GRIK4: variants seen among roughly 807,000 people sequenced by gnomAD.
GRIK4 encodes glutamate ionotropic receptor kainate type subunit 4.
A neutral mutation model predicts 104.9 loss-of-function variants in GRIK4; 40 were observed. The ratio of observed to expected loss-of-function variants is 0.38; its 90% CI spans 0.30 to 0.50. The LOEUF (loss-of-function observed/expected upper bound fraction) is 0.50. GRIK4 is among the 20% of genes least tolerant of loss of function. The probability of loss-of-function intolerance (pLI) is 0.93; values close to 1 mark genes in which losing one functional copy is unlikely to be tolerated. For missense variants in GRIK4, 1,047 were observed against 1,308.1 expected, an observed-to-expected ratio of 0.80 and a Z score of 3.08; for synonymous variants, 485 against 524.9, an observed-to-expected ratio of 0.92 and a Z score of 1.04.
At chr11:120,564,200 C>T (rs1273664352) in intron 1 of GRIK4, among the ~76,000 whole-genome samples, 1 of 152,228 alleles carries the variant, frequency 6.6e-6, no homozygotes, top group African/African-American at 2.4e-5. Context: ...TCTGGCAACT[C>T]GCCCCGCTCA....
intron 16 of GRIK4, among the ~76,000 whole-genome samples, chr11:120,957,756 C>T (rs1217469801): frequency 6.6e-6 from 1 of 152,008 alleles, no homozygotes; most frequent in African/African-American, 2.4e-5. Flanking sequence ...CCTGTTTAGC[C>T]AAAGGAAAAG....
At chr11:120,628,982 A>G (rs919598091) in intron 1 of GRIK4, among the ~76,000 whole-genome samples, 3 of 152,172 alleles carry the variant, frequency 2.0e-5, no homozygotes, top group Admixed American at 2.0e-4. Context: ...AGGAACTCGC[A>G]GTCTAGTCAG....
Position 120,907,824 on chromosome 11 carries a change from G to A in GRIK4, c.1476+2331G>A, listed in dbSNP as rs146090262. Among the ~76,000 whole-genome samples the A allele has an allele frequency of 1.1e-3, 161 of 152,272 alleles. 2 individuals carry two copies. The highest frequency in any genetic ancestry group is 3.7e-3 in the African/African-American group (154 of 41,542). On this transcript the variant is annotated intron_variant, in intron 13 of 20. Coordinates refer to ENST00000527524, the MANE Select transcript of GRIK4 (RefSeq NM_014619.5). ...GTGTGCGCTGGCTTAGGGAGGATGG[G>A]TGGGAGTTTCCTGGGCAAGCAAAAG... is the stretch of plus-strand genomic sequence containing the variant.
chr11:120,915,648 T>C (rs1272652372), intron 13 of GRIK4, among the ~76,000 whole-genome samples: 1 of 152,128 alleles, frequency 6.6e-6, no homozygotes, highest in African/African-American at 2.4e-5. Flanking sequence ...TCCCTTGGCT[T>C]ATAGGGGGTC....
In GRIK4 at chr11:120,919,297, T is replaced by C. The variant is rs139254566; in HGVS notation, c.1476+13804T>C. 5.2e-4 allele frequency among the ~76,000 whole-genome samples: 79 copies of C among 152,322 alleles called. No homozygotes were observed. The East Asian group carries it at 0.015, about 28-fold the overall frequency. The stretch of plus-strand genomic sequence containing the variant: ...TAAGGTGATGCTGAAGAGGCAAGCC[T>C]CAGCTGGGTGGTGACAATCACTTAG... On this transcript the variant is annotated intron_variant, in intron 13 of 20. Transcript: ENST00000527524.
chr11:120,931,827 C>G (rs531996485), intron 13 of GRIK4, among the ~76,000 whole-genome samples: 1 of 152,278 alleles, frequency 6.6e-6, no homozygotes, highest in East Asian at 1.9e-4. Context: ...CTTCTGATTG[C>G]TGTCTGGTTC....
intron 19 of GRIK4, among the ~76,000 whole-genome samples, chr11:120,970,850 T>C (rs1446630611): frequency 6.6e-6 from 1 of 152,198 alleles, no homozygotes; most frequent in African/African-American, 2.4e-5. Flanking sequence ...ACTAGGGTGG[T>C]TCTCTTCCCT....
At chr11:120,672,481 A>G (rs910876954) in intron 3 of GRIK4, among the ~76,000 whole-genome samples, 1 of 152,182 alleles carries the variant, frequency 6.6e-6, no homozygotes, top group African/African-American at 2.4e-5. Context: ...AGTCAATGGT[A>G]GCTTTGATGG....
intron 11 of GRIK4, among the ~76,000 whole-genome samples, chr11:120,876,118 A>G (rs1338496882): frequency 6.6e-6 from 1 of 151,382 alleles, no homozygotes; most frequent in Non-Finnish European, 1.5e-5. Flanking sequence ...AATCATCATC[A>G]TCATCACCAC....
At chr11:120,720,041 A>G (rs1280653233) in intron 3 of GRIK4, among the ~76,000 whole-genome samples, 1 of 152,144 alleles carries the variant, frequency 6.6e-6, no homozygotes, top group Non-Finnish European at 1.5e-5. Context: ...TAAAAATTCA[A>G]GCTGTTTCAG....
chr11:120,985,580 A>G (rs1182673629), intron 20 of GRIK4, among the ~76,000 whole-genome samples: 3 of 152,118 alleles, frequency 2.0e-5, no homozygotes, highest in East Asian at 3.9e-4. Context: ...TTTCAGGGAC[A>G]GAAATTGTTA....
At chr11:120,526,389 G>C (rs1255827339) in intron 1 of GRIK4, among the ~76,000 whole-genome samples, 1 of 152,108 alleles carries the variant, frequency 6.6e-6, no homozygotes, top group Non-Finnish European at 1.5e-5. Flanking sequence ...TCTTTCTAGA[G>C]ACAGTGTTTC....
chr11:120,937,010 C>A (rs1943611646), intron 13 of GRIK4, among the ~76,000 whole-genome samples: 1 of 152,146 alleles, frequency 6.6e-6, no homozygotes, highest in South Asian at 2.1e-4. Context: ...ATCTCTTCAT[C>A]TGAAGGCTGC....
intron 13 of GRIK4, among the ~76,000 whole-genome samples, chr11:120,928,072 G>A (rs920034362): frequency 5.3e-5 from 8 of 151,816 alleles, no homozygotes; most frequent in Non-Finnish European, 2.9e-5. Context: ...AAAATTAGCC[G>A]GGCATGGTGG....
In GRIK4 at chr11:120,939,360, C is replaced by T. The variant is rs180753116; in HGVS notation, c.1477-987C>T. Among the ~76,000 whole-genome samples, 62 of 152,274 alleles carry T rather than the reference C, an allele frequency of 4.1e-4. No individual in the cohort carries two copies. Among genetic ancestry groups the T allele is most frequent in the African/African-American group, 1.4e-3 (57 of 41,554 alleles). On this transcript the variant is annotated intron_variant, in intron 13 of 20. Transcript: ENST00000527524. This position sits in a 1 kb window ranked among gnomAD's most constrained non-coding sequence, Gnocchi z 5.6. ...GAAGGAAGCCTTTATTGAACAAATG[C>T]TGGTTGTTGTGCATTAAGGGGACCA...
intron 9 of GRIK4, among the ~76,000 whole-genome samples, chr11:120,864,693 C>T (rs1416391088): frequency 1.3e-5 from 2 of 152,238 alleles, no homozygotes; most frequent in Non-Finnish European, 2.9e-5. Flanking sequence ...CTCATTCTCT[C>T]TAAGGGTATC....
intron 1 of GRIK4, among the ~76,000 whole-genome samples, chr11:120,634,352 G>A (rs1274847789): frequency 2.6e-5 from 4 of 152,058 alleles, no homozygotes; most frequent in African/African-American, 7.2e-5. Flanking sequence ...AACAGGAGGC[G>A]GAGCTGGCAT....
At chr11:120,645,603 G>T (rs552597787) in intron 1 of GRIK4, among the ~76,000 whole-genome samples, 1 of 152,170 alleles carries the variant, frequency 6.6e-6, no homozygotes, top group Non-Finnish European at 1.5e-5. Context: ...TGGCATCCAC[G>T]TGGACATGGG....
At chr11:120,838,786 T>C (rs1953644817) in intron 8 of GRIK4, among the ~76,000 whole-genome samples, 1 of 152,086 alleles carries the variant, frequency 6.6e-6, no homozygotes, top group Admixed American at 6.6e-5. Context: ...TGTGTGTGTT[T>C]TGTTTTTGCT....
Sources: gnomAD v4.1 joint callset for allele counts (sites outside exome capture counted in the v4.1 genomes callset) on GRCh38, gnomAD v4.1.1 for gene constraint, Gnocchi (gnomAD v3.1) non-coding constraint, MANE v1.5 for transcripts, NCBI Gene and HGNC (gene_info 2026-07-23, HGNC 2026-07-21) for gene names.